Variants in BANP observed in about 807,000 individuals in gnomAD.
BANP encodes BTG3 associated nuclear protein, also known as protein BANP.
A neutral mutation model predicts 68.1 loss-of-function variants in BANP; 11 were observed. The observed-to-expected ratio is 0.16, with a 90% CI of 0.10 to 0.27. The LOEUF (loss-of-function observed/expected upper bound fraction) is 0.27, where lower values mean the gene tolerates loss of function less well. Ranked by LOEUF, BANP falls within the 10% of genes least tolerant of loss-of-function variation. The pLI, the probability that BANP is intolerant of heterozygous loss-of-function variation, is 1.00. For missense variants in BANP, 504 were observed against 722.7 expected (o/e 0.70, Z 3.47); for synonymous variants, 329 against 303.2 (o/e 1.09, Z -0.88).
Position 88,076,707 on chromosome 16 carries a change from C to T in BANP, c.*46C>T. On this transcript the variant is annotated 3_prime_UTR_variant, in exon 14 of 14. Transcript: ENST00000682872. Reference sequence around the variant, plus strand: ...AGCCCCTCGCCGGCTCCGCCTACGGCCCGGCCCCCACGCGCCCTGCTCTCA... The same window carrying T: ...AGCCCCTCGCCGGCTCCGCCTACGGTCCGGCCCCCACGCGCCCTGCTCTCA... 3 of 1,538,666 alleles carry T rather than the reference C, an allele frequency of 1.9e-6. No homozygotes were observed. Among genetic ancestry groups the T allele is most frequent in the Non-Finnish European group, 1.8e-6 (2 of 1,132,792 alleles).
At position 88,076,645 on chromosome 16, in the gene BANP, C is replaced by T; in HGVS notation, c.1577C>T (p.Ala526Val). The T allele has an allele frequency of 6.2e-7, 1 of 1,609,668 alleles. No individual in the cohort carries two copies. Among genetic ancestry groups the T allele is most frequent in the Non-Finnish European group, 8.5e-7 (1 of 1,179,574 alleles). Residue 526 changes from alanine (A) to valine (V), a missense_variant, in exon 14 of 14, where the codon GCC (alanine) becomes GTC (valine). This residue lies in a region of BANP where 223 missense variants were observed against 246.2 expected (regional missense o/e 0.91). Transcript: ENST00000682872. ...LQPEMQLEHG[A>V]IQIQ ...CCGGAGATGCAGCTCGAGCACGGGGCCATCCAGATTCAGTGAGCGGTGCCC... is the reference window on the plus strand; with the variant it reads ...CCGGAGATGCAGCTCGAGCACGGGGTCATCCAGATTCAGTGAGCGGTGCCC...
intron 1 of BANP, among the ~76,000 whole-genome samples, chr16:87,960,470 A>G (rs1053943049): frequency 2.0e-5 from 3 of 152,150 alleles, no homozygotes; most frequent in African/African-American, 7.2e-5. Flanking sequence ...TTTTATCCTA[A>G]AGACATACTT....
intron 11 of BANP, among the ~76,000 whole-genome samples, chr16:88,055,289 G>A (rs143587704): frequency 2.0e-5 from 3 of 148,622 alleles, no homozygotes; most frequent in East Asian, 4.0e-4. Flanking sequence ...CACCCCCTCC[G>A]CACACACACC....
intron 7 of BANP, among the ~76,000 whole-genome samples, chr16:88,020,598 G>A (rs1025785371): frequency 3.9e-5 from 6 of 152,234 alleles, no homozygotes; most frequent in Admixed American, 6.5e-5. Context: ...GGTTGGAGGC[G>A]CAGCCTGGAC....
chr16:88,046,025 A>G (rs1047318546), intron 11 of BANP, among the ~76,000 whole-genome samples: 1 of 152,216 alleles, frequency 6.6e-6, no homozygotes, highest in African/African-American at 2.4e-5. Context: ...TCCAGCACTC[A>G]GGGAGGGGCG....
intron 1 of BANP, among the ~76,000 whole-genome samples, chr16:87,961,806 C>T (rs979607273): frequency 3.1e-4 from 47 of 152,126 alleles, no homozygotes; most frequent in African/African-American, 1.1e-3. Flanking sequence ...ATGGGCTCTC[C>T]TCGTGGTGGG....
rs961904469 is a variant in BANP at position 88,004,508 on chromosome 16, C to T, written c.479+97C>T. Reference sequence around the variant, plus strand: ...CTAAGCCAGGGCACAGTCCAGCACACGCTTCATCTCTGTGGTCACAGGGTT... The same window carrying T: ...CTAAGCCAGGGCACAGTCCAGCACATGCTTCATCTCTGTGGTCACAGGGTT... On this transcript the variant is annotated intron_variant, in intron 5 of 13. Coordinates refer to ENST00000682872, the MANE Select transcript of BANP (RefSeq NM_001386991.1). The surrounding 1 kb of genome is among the most constrained non-coding windows in gnomAD (Gnocchi z 7.0). 32 of 684,684 alleles carry T rather than the reference C, an allele frequency of 4.7e-5. No individual in the cohort carries two copies. The highest frequency in any genetic ancestry group is 3.7e-4 in the African/African-American group (20 of 54,004). The allele number at this position is 684,684 out of a possible 1,614,324, so 42.4% of individuals were successfully genotyped here. A position where few individuals can be genotyped will look rare whatever the true frequency, so the allele number is the denominator to read the frequency against.
At chr16:88,072,039 G>A (rs758321188) in intron 12 of BANP, 30 bp from the exon 13 acceptor site, 14 of 1,548,888 alleles carry the variant, frequency 9.0e-6, no homozygotes, top group African/African-American at 4.1e-5. Flanking sequence ...GGGCCACGCC[G>A]CTGACGGGCC....
At chr16:88,030,566 C>T (rs1022282731) in intron 8 of BANP, among the ~76,000 whole-genome samples, 3 of 152,208 alleles carry the variant, frequency 2.0e-5, no homozygotes, top group Non-Finnish European at 4.4e-5. Flanking sequence ...TGACGACTGC[C>T]AGATATGTTG....
chr16:88,027,615 G>A lies in BANP; in HGVS notation c.1028G>A (p.Arg343Gln), dbSNP rs979106350. 8 of 1,613,672 alleles carry A rather than the reference G, an allele frequency of 5.0e-6. No homozygotes were observed. Among genetic ancestry groups the A allele is most frequent in the East Asian group, 2.2e-5 (1 of 44,876 alleles). The change falls in exon 8 of 14, where the codon CGG becomes CAG. Residue 343 changes from arginine (R) to glutamine (Q), a missense_variant. Around this residue, in one of 3 missense-constraint regions of BANP, gnomAD observed 43 missense variants for 197.7 expected, o/e 0.22. Coordinates refer to ENST00000682872, the MANE Select transcript of BANP (RefSeq NM_001386991.1). ...AGCCTGGCGGTCAAGAGCTTCTCGCGGAGAACGCCCAACTCGTCCTCCTAC... is the reference window on the plus strand; with the variant it reads ...AGCCTGGCGGTCAAGAGCTTCTCGCAGAGAACGCCCAACTCGTCCTCCTAC... Reference protein sequence around the residue: ...GQSLAVKSFSRRTPNSSSYCP... With the variant: ...GQSLAVKSFSQRTPNSSSYCP...
intron 1 of BANP, among the ~76,000 whole-genome samples, chr16:87,962,289 T>A (rs1291875068): frequency 6.7e-6 from 1 of 149,560 alleles, no homozygotes; most frequent in African/African-American, 2.5e-5. Context: ...TGTAATAAAT[T>A]ACCAGTCTCA....
At position 88,045,162 on chromosome 16, in the gene BANP, G is replaced by A. The variant is rs1392194351; in HGVS notation, c.1311+7151G>A. On this transcript the variant is annotated intron_variant, in intron 11 of 13. Transcript: ENST00000682872. ...AAAAAATGTTTAGCATTCTTCTCAG[G>A]GCTTTTCATCTAGATCAGGAAAATT... is the stretch of plus-strand genomic sequence containing the variant. 3.3e-5 allele frequency among the ~76,000 whole-genome samples: 5 copies of A among 151,946 alleles called. No homozygotes were observed. In the East Asian group the frequency reaches 5.8e-4, roughly 18 times the overall value.
intron 4 of BANP, among the ~76,000 whole-genome samples, chr16:87,985,985 C>T (rs535223834): frequency 6.6e-6 from 1 of 152,118 alleles, no homozygotes; most frequent in Non-Finnish European, 1.5e-5. Flanking sequence ...GCATGTTTTC[C>T]ACTCATGAAG....
At chr16:87,966,056 T>A (rs985372901) in intron 1 of BANP, among the ~76,000 whole-genome samples, 1 of 152,248 alleles carries the variant, frequency 6.6e-6, no homozygotes, top group Non-Finnish European at 1.5e-5. Context: ...ATTGGGATCA[T>A]ATCATCCGCA....
chr16:88,042,442 C>G (rs1232501092), intron 11 of BANP, among the ~76,000 whole-genome samples: 2 of 152,176 alleles, frequency 1.3e-5, no homozygotes, highest in Admixed American at 6.5e-5. Flanking sequence ...GTGGCCTCTG[C>G]TTTGCCAGCT....
chr16:88,058,347 T>C (rs1417349616), intron 11 of BANP, among the ~76,000 whole-genome samples: 2 of 152,184 alleles, frequency 1.3e-5, no homozygotes, highest in African/African-American at 2.4e-5. Context: ...GGCCGGGACG[T>C]GCTGATGTCA....
intron 2 of BANP, among the ~76,000 whole-genome samples, chr16:87,976,237 C>T (rs1474828096): frequency 6.6e-6 from 1 of 152,188 alleles, no homozygotes; most frequent in Non-Finnish European, 1.5e-5. Flanking sequence ...AAGACGGTGA[C>T]AGGTTTTCTA....
At chr16:88,061,670 CT>C (rs5818662) in intron 11 of BANP, among the ~76,000 whole-genome samples, 12 of 148,068 alleles carry the variant, frequency 8.1e-5, no homozygotes, top group South Asian at 2.1e-4. Flanking sequence ...ATTTTTCTTT[CT>C]TTTTTTTTTT....
chr16:87,989,185 C>G (rs191388376), intron 4 of BANP, among the ~76,000 whole-genome samples: 130 of 152,172 alleles, frequency 8.5e-4, no homozygotes, highest in Non-Finnish European at 1.5e-3. Context: ...CTGGATGGGC[C>G]TCATCCAACA....
Sources: allele counts gnomAD v4.1 joint callset (sites outside exome capture counted in the v4.1 genomes callset), GRCh38; gene constraint gnomAD v4.1.1; regional missense constraint gnomAD v4.1.1; non-coding constraint Gnocchi (gnomAD v3.1); transcripts MANE v1.5; gene names NCBI Gene and HGNC (gene_info 2026-07-23, HGNC 2026-07-21).